The following KIF2A variants were observed in gnomAD, a reference collection of about 807,000 sequenced individuals.
The protein encoded by KIF2A is kinesin-like protein KIF2A.
Under a neutral mutation model 100.2 loss-of-function variants are expected in KIF2A, and 22 were observed. That is an observed-to-expected ratio of 0.22 (90% CI 0.16 to 0.31). KIF2A has a LOEUF of 0.31. Ranked by LOEUF, KIF2A falls within the 10% of genes least tolerant of loss-of-function variation. KIF2A has a pLI of 1.00. For missense variants in KIF2A, 495 were observed against 898.7 expected (o/e 0.55, Z 5.74); for synonymous variants, 268 against 285.9 (o/e 0.94, Z 0.63).
chr5:62,320,523 AT>A (rs2111805446), intron 1 of KIF2A, among the ~76,000 whole-genome samples: 1 of 151,652 alleles, frequency 6.6e-6, no homozygotes, highest in African/African-American at 2.4e-5. Flanking sequence ...CACTTTTGAA[AT>A]TTGCTAGCTT....
At chr5:62,331,501 T>C (rs1361710183) in intron 1 of KIF2A, among the ~76,000 whole-genome samples, 1 of 152,108 alleles carries the variant, frequency 6.6e-6, no homozygotes, top group Admixed American at 6.5e-5. Context: ...GGCAGGATAA[T>C]TGTTTGTTGA....
At chr5:62,355,979 C>T (rs1748085549) in intron 7 of KIF2A, among the ~76,000 whole-genome samples, 1 of 151,930 alleles carries the variant, frequency 6.6e-6, no homozygotes, top group African/African-American at 2.4e-5. Flanking sequence ...ACGGGGTTCA[C>T]CTTTTTGGTC....
chr5:62,333,691 C>T (rs1746770780), intron 1 of KIF2A, among the ~76,000 whole-genome samples: 1 of 152,196 alleles, frequency 6.6e-6, no homozygotes, highest in East Asian at 1.9e-4. Context: ...CCCTATAGTC[C>T]TGCCTACTTA....
At chr5:62,374,367 A>C (rs1741449162) in intron 18 of KIF2A, among the ~76,000 whole-genome samples, 1 of 152,212 alleles carries the variant, frequency 6.6e-6, no homozygotes, top group African/African-American at 2.4e-5. Context: ...GCAGTAACAG[A>C]GACTGTTTGG....
At chr5:62,367,323 G>A (rs577174687) in intron 16 of KIF2A, among the ~76,000 whole-genome samples, 1 of 152,030 alleles carries the variant, frequency 6.6e-6, no homozygotes, top group African/African-American at 2.4e-5. Flanking sequence ...CTGGAGTGCA[G>A]TGGTGTGATC....
intron 1 of KIF2A, among the ~76,000 whole-genome samples, chr5:62,346,094 G>C (rs1482940173): frequency 6.6e-6 from 1 of 151,578 alleles, no homozygotes; most frequent in African/African-American, 2.4e-5. Context: ...CCATCAATAG[G>C]TATTAAATAA....
At chr5:62,377,425 G>GC (rs1244767164) in intron 18 of KIF2A, among the ~76,000 whole-genome samples, 1 of 152,052 alleles carries the variant, frequency 6.6e-6, no homozygotes, top group African/African-American at 2.4e-5. Context: ...TAAAGCTTAG[G>GC]CTAAGTGAAA....
Position 62,363,745 on chromosome 5 carries a change from T to C in KIF2A, c.1313T>C (p.Val438Ala). The C allele has an allele frequency of 6.2e-7, 1 of 1,613,926 alleles. No individual in the cohort carries two copies. Among genetic ancestry groups the C allele is most frequent in the Non-Finnish European group, 8.5e-7 (1 of 1,179,848 alleles). The change falls in exon 14 of 21, where the codon GTG becomes GCG. Residue 438 changes from valine (V) to alanine (A), a missense_variant. Transcript: ENST00000407818. ...ANAHSSRSHA[V>A]FQIILRRKGK... The stretch of plus-strand genomic sequence containing the variant: ...GCACATTCATCTCGGAGCCATGCAG[T>C]GTTTCAGATTATTCTTAGAAGGAAA...
rs1257769933 is a variant in KIF2A, at chr5:62,357,637, T to C, written c.655-54T>C. 5 of 876,834 alleles carry C rather than the reference T, an allele frequency of 5.7e-6. No homozygotes were observed. In the African/African-American group the frequency reaches 6.9e-5, roughly 12 times the overall value. 54.3% of individuals were successfully genotyped at this position (876,834 alleles called of 1,614,324 possible). On this transcript the variant is annotated intron_variant, in intron 7 of 20. Coordinates refer to ENST00000407818, the MANE Select transcript of KIF2A (RefSeq NM_001098511.3). The stretch of plus-strand genomic sequence containing the variant: ...AGGAAATATTACATAATTTACGTTT[T>C]AGTGTTTTACATGACACTAATAATC...
chr5:62,369,977 G>A (rs1160950372), intron 16 of KIF2A, among the ~76,000 whole-genome samples: 1 of 152,124 alleles, frequency 6.6e-6, no homozygotes, highest in Non-Finnish European at 1.5e-5. Context: ...CTTTAGAATA[G>A]ACAGCTAATG....
intron 3 of KIF2A, among the ~76,000 whole-genome samples, chr5:62,348,584 G>T (rs370737601): frequency 1.3e-5 from 2 of 152,306 alleles, no homozygotes; most frequent in South Asian, 4.1e-4. Flanking sequence ...GATGGGAAAT[G>T]ATAGTGTAGT....
chr5:62,385,431 C>A, intron 20 of KIF2A, 53 bp from the exon 21 acceptor site: 1 of 1,283,248 alleles, frequency 7.8e-7, no homozygotes, highest in Non-Finnish European at 1.1e-6. Context: ...AAGTTGTAAA[C>A]TCTTACTGCG....
chr5:62,332,135 C>A (rs1746686768), intron 1 of KIF2A, among the ~76,000 whole-genome samples: 1 of 152,156 alleles, frequency 6.6e-6, no homozygotes, highest in Non-Finnish European at 1.5e-5. Context: ...ATAATAGGAT[C>A]CTGTTTTCAG....
intron 16 of KIF2A, among the ~76,000 whole-genome samples, chr5:62,370,364 G>A (rs1741266526): frequency 6.6e-6 from 1 of 152,122 alleles, no homozygotes; most frequent in African/African-American, 2.4e-5. Flanking sequence ...CACAATCTCA[G>A]CTCACTGCAG....
intron 1 of KIF2A, among the ~76,000 whole-genome samples, chr5:62,325,100 C>T (rs1746298806): frequency 6.6e-6 from 1 of 152,024 alleles, no homozygotes; most frequent in Non-Finnish European, 1.5e-5. Flanking sequence ...CTTTCCTTTC[C>T]TTACTGTTGT....
At chr5:62,331,902 T>C (rs1419376103) in intron 1 of KIF2A, among the ~76,000 whole-genome samples, 1 of 152,250 alleles carries the variant, frequency 6.6e-6, no homozygotes, top group Non-Finnish European at 1.5e-5. Context: ...CTATATTTTC[T>C]TAATAAAATA....
chr5:62,352,753 C>T (rs1747917280), intron 5 of KIF2A, 43 bp downstream of exon 5: 2 of 1,540,762 alleles, frequency 1.3e-6, no homozygotes, highest in Non-Finnish European at 8.9e-7. Context: ...TTTAGGCATA[C>T]ATGTATTCTC....
At chr5:62,310,087 T>C (rs530459308) in intron 1 of KIF2A, among the ~76,000 whole-genome samples, 1 of 151,026 alleles carries the variant, frequency 6.6e-6, no homozygotes, top group African/African-American at 2.4e-5. Flanking sequence ...TTTTTTTTTT[T>C]GAGACAGAGT....
chr5:62,345,651 G>A (rs1210900885), intron 1 of KIF2A, among the ~76,000 whole-genome samples: 1 of 151,954 alleles, frequency 6.6e-6, no homozygotes, highest in East Asian at 1.9e-4. Flanking sequence ...TAAAATAAAA[G>A]GCAGTGATAG....
Sources: gnomAD v4.1 joint callset for allele counts (sites outside exome capture counted in the v4.1 genomes callset) on GRCh38, gnomAD v4.1.1 for gene constraint, MANE v1.5 for transcripts, NCBI Gene and HGNC (gene_info 2026-07-23, HGNC 2026-07-21) for gene names.